The following CDH23 variants were observed in gnomAD, a reference collection of about 807,000 sequenced individuals.
The protein encoded by CDH23 is cadherin-23.
CDH23 carries 189 observed loss-of-function variants against 317.1 expected under a neutral mutation model. The ratio of observed to expected loss-of-function variants is 0.60; its 90% CI spans 0.53 to 0.67. CDH23 has a LOEUF of 0.67. Ranked by LOEUF, CDH23 falls within the 30% of genes least tolerant of loss-of-function variation. CDH23 has a pLI of 0.00. For synonymous variants in CDH23, 1,839 were observed against 1,876.8 expected, an observed-to-expected ratio of 0.98 and a Z score of 0.52; for missense variants, 4,401 against 4,592.4, an observed-to-expected ratio of 0.96 and a Z score of 1.20.
rs374955091 is a variant in CDH23 at position 71,690,579 on chromosome 10, G to A, written c.2171G>A (p.Arg724His). 1.5e-4 allele frequency: 241 copies of A among 1,588,044 alleles called. No homozygotes were observed. The South Asian group carries it at 1.8e-3, about 12-fold the overall frequency. ...EGSTQFRINARSGEITTTSLL... is the reference protein window; with the variant it reads ...EGSTQFRINAHSGEITTTSLL... ...TCCACCCAGTTTCGGATCAATGCCC[G>A]CTCAGGTGAGCCCCCCCACCCCAAG... The change falls in exon 20 of 70, where the codon CGC becomes CAC. Residue 724 changes from arginine to histidine, a missense_variant. This residue lies in a region of CDH23 where 3,068 missense variants were observed against 3,203.3 expected (regional missense o/e 0.96). Coordinates refer to ENST00000224721, the MANE Select transcript of CDH23 (RefSeq NM_022124.6).
chr10:71,548,716 C>T (rs567371385), intron 6 of CDH23, among the ~76,000 whole-genome samples: 2 of 152,324 alleles, frequency 1.3e-5, no homozygotes, highest in South Asian at 2.1e-4. Context: ...TTTAGGGGAA[C>T]AACTTTGGTA....
intron 11 of CDH23, 126 bp downstream of exon 11, chr10:71,617,519 T>C: frequency 6.6e-7 from 1 of 1,508,428 alleles, no homozygotes; most frequent in South Asian, 1.2e-5. Context: ...TCCTGGTAGG[T>C]TCTGAGGATA....
At position 71,788,978 on chromosome 10, in the gene CDH23, T is replaced by C. The variant is rs1381093953; in HGVS notation, c.5859T>C (p.Asn1953=). Residue 1953 remains asparagine, a synonymous_variant, in exon 45 of 70, where the codon AAT becomes AAC. Transcript: ENST00000224721. ...DLLLIFLSDE[N]DNHPLFTKST... is the part of the protein sequence containing the mutation. ...TTCTGATCTTCCTTTCTGATGAGAA[T>C]GACAACCACCCCCTCTTCACTAAAA... is the stretch of plus-strand genomic sequence containing the variant. 6.2e-6 allele frequency: 10 copies of C among 1,604,306 alleles called. No individual in the cohort carries two copies. Among genetic ancestry groups the C allele is most frequent in the Non-Finnish European group, 8.5e-6 (10 of 1,171,082 alleles).
chr10:71,741,759 T>C lies in CDH23; in HGVS notation c.4683T>C (p.Ser1561=), dbSNP rs1839739814. The change falls in exon 38 of 70, where the codon AGT becomes AGC. Residue 1561 remains serine (S), a synonymous_variant. Coordinates refer to ENST00000224721, the MANE Select transcript of CDH23 (RefSeq NM_022124.6). ...RATDRDIGIN[S]VLSYYITEGN... is the part of the protein sequence containing the mutation. ...CTGACCGTGACATCGGGATCAACAG[T>C]GTTCTGTCCTACTACATCACCGAGG... is the stretch of plus-strand genomic sequence containing the variant. 6.2e-7 allele frequency: 1 copy of C among 1,612,726 alleles called. No individual in the cohort carries two copies. Among genetic ancestry groups the C allele is most frequent in the Non-Finnish European group, 8.5e-7 (1 of 1,179,414 alleles).
chr10:71,431,519 C>A (rs1233965665), intron 1 of CDH23, among the ~76,000 whole-genome samples: 1 of 152,226 alleles, frequency 6.6e-6, no homozygotes, highest in African/African-American at 2.4e-5. Context: ...TCTGCAGGCG[C>A]CTTCTTGCAC....
At chr10:71,448,613 C>T (rs867186506) in intron 3 of CDH23, among the ~76,000 whole-genome samples, 17 of 152,230 alleles carry the variant, frequency 1.1e-4, no homozygotes, top group Admixed American at 2.6e-4. Flanking sequence ...AGCCCAACAT[C>T]TGTTTCTCGC....
chr10:71,804,620 T>C (rs1486393157), intron 55 of CDH23, among the ~76,000 whole-genome samples: 1 of 152,212 alleles, frequency 6.6e-6, no homozygotes, highest in East Asian at 1.9e-4. Flanking sequence ...CTTTGCTTTT[T>C]TACCTTGTGT....
intron 14 of CDH23, among the ~76,000 whole-genome samples, chr10:71,653,755 G>A (rs1863287910): frequency 1.3e-5 from 2 of 152,208 alleles, no homozygotes; most frequent in African/African-American, 4.8e-5. Context: ...CCCTGGGCAG[G>A]TGCTTAGCTG....
intron 34 of CDH23, among the ~76,000 whole-genome samples, chr10:71,737,154 G>A (rs1775594265): frequency 1.3e-5 from 2 of 152,142 alleles, no homozygotes; most frequent in African/African-American, 4.8e-5. Context: ...GGCGGACTGG[G>A]GCTCAGGGAC....
chr10:71,645,654 G>A, intron 12 of CDH23, 177 bp from the exon 13 acceptor site: 1 of 781,892 alleles, frequency 1.3e-6, no homozygotes, highest in Non-Finnish European at 2.3e-6. Context: ...AGACATGGGT[G>A]GGTCATGGAG....
At chr10:71,765,659 C>G (rs962016920) in intron 38 of CDH23, among the ~76,000 whole-genome samples, 5 of 152,254 alleles carry the variant, frequency 3.3e-5, no homozygotes, top group African/African-American at 1.2e-4. Context: ...GTGGGTGCAT[C>G]AGAGAGAAAG....
intron 38 of CDH23, chr10:71,755,397 AG>A (rs1474736099): frequency 6.2e-7 from 1 of 1,613,264 alleles, no homozygotes; most frequent in African/African-American, 1.3e-5. Flanking sequence ...GTAGACCAGG[AG>A]CAGGATGAGG....
rs138225201 is a variant in CDH23 at position 71,789,822 on chromosome 10, C to T, written c.5924-466C>T. ...AGGGAATCCCAGGCCTGTGCGTGCT[C>T]CTGGACAAGTGCCTGTGGCCATGTG... On this transcript the variant is annotated intron_variant, in intron 45 of 69. Transcript: ENST00000224721. 7.7e-4 allele frequency among the ~76,000 whole-genome samples: 118 copies of T among 152,324 alleles called. 1 individual carries two copies. The highest frequency in any genetic ancestry group is 2.7e-3 in the African/African-American group (113 of 41,566).
Position 71,793,217 on chromosome 10 carries a change from G to A in CDH23, c.6289G>A (p.Asp2097Asn), listed in dbSNP as rs373656370. The A allele has an allele frequency of 6.2e-7, 1 of 1,613,718 alleles. No homozygotes were observed. Among genetic ancestry groups the A allele is most frequent in the African/African-American group, 1.3e-5 (1 of 75,018 alleles). ...CCTTCAAGTCACAGCCACAGATGAG[G>A]ACAGTGGCCTCAATGGGGAGCTGGT... ...SVLQVTATDE[D>N]SGLNGELVYR... The change falls in exon 48 of 70, where the codon GAC (aspartate) becomes AAC (asparagine). Residue 2097 changes from aspartate to asparagine, a missense_variant. Around this residue, in one of 3 missense-constraint regions of CDH23, gnomAD observed 3,068 missense variants for 3,203.3 expected, o/e 0.96. Coordinates refer to ENST00000224721, the MANE Select transcript of CDH23 (RefSeq NM_022124.6).
At chr10:71,452,401 G>T (rs1169088683) in intron 3 of CDH23, among the ~76,000 whole-genome samples, 1 of 152,136 alleles carries the variant, frequency 6.6e-6, no homozygotes, top group Non-Finnish European at 1.5e-5. Flanking sequence ...GTATCTCAGC[G>T]AGTCGCCCCC....
At chr10:71,683,877 T>C (rs1262098563) in intron 18 of CDH23, among the ~76,000 whole-genome samples, 3 of 151,934 alleles carry the variant, frequency 2.0e-5, no homozygotes, top group African/African-American at 7.3e-5. Context: ...GGTCAGGAGC[T>C]TGAGACTAGC....
intron 9 of CDH23, among the ~76,000 whole-genome samples, chr10:71,590,332 C>G (rs534294011): frequency 6.6e-6 from 1 of 152,322 alleles, no homozygotes; most frequent in South Asian, 2.1e-4. Context: ...GGCTGTGCCC[C>G]CATCCCAGCC....
At position 71,815,023 on chromosome 10, in the gene CDH23, C is replaced by G. The variant is rs1209534205; in HGVS notation, c.9810C>G (p.His3270Gln). The G allele has an allele frequency of 6.2e-7, 1 of 1,612,626 alleles. No homozygotes were observed. The highest frequency in any genetic ancestry group is 1.7e-5 in the Admixed American group (1 of 59,948). ...GGCAGGGTAGCCTGCGCTTCCGCCA[C>G]AAGCCACCAGTGGAGCTCAAGGGGC... ...SPGQGSLRFR[H>Q]KPPVELKGPD... Residue 3270 changes from histidine to glutamine, a missense_variant, in exon 70 of 70, where the codon CAC becomes CAG. Physicochemically the swap from His to Gln is conservative, Grantham distance 24. Around this residue, in one of 3 missense-constraint regions of CDH23, gnomAD observed 1,144 missense variants for 1,138.2 expected, o/e 1.01. Transcript: ENST00000224721.
chr10:71,603,568 T>G (rs1031994639), intron 9 of CDH23, among the ~76,000 whole-genome samples: 1 of 152,176 alleles, frequency 6.6e-6, no homozygotes, highest in Non-Finnish European at 1.5e-5. Context: ...TGTTTGGGCC[T>G]ACCTGCCCCA....
Sources: allele counts gnomAD v4.1 joint callset (sites outside exome capture counted in the v4.1 genomes callset), GRCh38; gene constraint gnomAD v4.1.1; regional missense constraint gnomAD v4.1.1; transcripts MANE v1.5; gene names NCBI Gene and HGNC (gene_info 2026-07-23, HGNC 2026-07-21).